The following COL25A1 variants were observed in gnomAD, a reference collection of about 807,000 sequenced individuals.
COL25A1 encodes the protein collagen alpha-1(XXV) chain.
In COL25A1, 103 loss-of-function variants were observed where a neutral mutation model predicts 128.4. That is an observed-to-expected ratio of 0.80 (90% CI 0.68 to 0.94). COL25A1 has a LOEUF of 0.94. COL25A1 is among the 40% of genes least tolerant of loss of function. The probability of loss-of-function intolerance (pLI) is 0.00; values close to 1 mark genes in which losing one functional copy is unlikely to be tolerated. For missense variants in COL25A1, 745 were observed against 840.0 expected (o/e 0.89, Z 1.40); for synonymous variants, 279 against 277.2 (o/e 1.01, Z -0.06).
intron 13 of COL25A1, among the ~76,000 whole-genome samples, chr4:108,903,738 T>C (rs1021376360): frequency 6.6e-6 from 1 of 152,096 alleles, no homozygotes; most frequent in Non-Finnish European, 1.5e-5. Flanking sequence ...TAGGCATTGC[T>C]TTTATAGGCA....
intron 5 of COL25A1, among the ~76,000 whole-genome samples, chr4:109,037,169 T>C (rs181870631): frequency 6.6e-6 from 1 of 152,330 alleles, no homozygotes; most frequent in Admixed American, 6.5e-5. Flanking sequence ...ATATAAAACA[T>C]AAAATAATTG....
intron 8 of COL25A1, among the ~76,000 whole-genome samples, chr4:108,972,188 T>A (rs1376592883): frequency 1.3e-5 from 2 of 152,032 alleles, no homozygotes; most frequent in East Asian, 3.9e-4. Context: ...TGGGAAGAAA[T>A]AAACTATTGG....
chr4:109,110,159 T>C (rs1306371104), intron 3 of COL25A1, among the ~76,000 whole-genome samples: 2 of 152,068 alleles, frequency 1.3e-5, no homozygotes, highest in African/African-American at 4.8e-5. Flanking sequence ...CAAGAGCAAA[T>C]ATGGTTTCTT....
At chr4:108,978,199 G>A (rs1010468658) in intron 6 of COL25A1, among the ~76,000 whole-genome samples, 3 of 152,190 alleles carry the variant, frequency 2.0e-5, no homozygotes, top group African/African-American at 4.8e-5. Flanking sequence ...ACAGTATGGC[G>A]TCCTGGCACC....
intron 3 of COL25A1, among the ~76,000 whole-genome samples, chr4:109,190,571 T>C (rs140578335): frequency 6.6e-6 from 1 of 152,258 alleles, no homozygotes; most frequent in East Asian, 1.9e-4. Flanking sequence ...GGTTGTAAAA[T>C]AAGACAGTAG....
At chr4:108,846,629 T>G (rs1735145557) in intron 27 of COL25A1, among the ~76,000 whole-genome samples, 1 of 152,158 alleles carries the variant, frequency 6.6e-6, no homozygotes, top group Admixed American at 6.5e-5. Context: ...TTCTCTCATC[T>G]CTACCCACTA....
chr4:109,161,836 C>T (rs1389450220), intron 3 of COL25A1, among the ~76,000 whole-genome samples: 3 of 152,146 alleles, frequency 2.0e-5, no homozygotes, highest in Non-Finnish European at 1.5e-5. Context: ...GGAGAAGTGC[C>T]TGAGATTCCC....
At chr4:109,255,372 C>A (rs1186050001) in intron 3 of COL25A1, among the ~76,000 whole-genome samples, 1 of 152,186 alleles carries the variant, frequency 6.6e-6, no homozygotes, top group Non-Finnish European at 1.5e-5. Context: ...CCAGACCCCA[C>A]TGAAGTTGAA....
intron 3 of COL25A1, among the ~76,000 whole-genome samples, chr4:109,085,509 G>A (rs1171248951): frequency 6.6e-6 from 1 of 152,118 alleles, no homozygotes; most frequent in African/African-American, 2.4e-5. Flanking sequence ...AAGTGAACTA[G>A]TTTCTAGTCT....
In COL25A1 at chr4:108,929,092, G is replaced by T. The variant is rs868094352; in HGVS notation, c.709-8488C>A. ...ATCCTACTTAATAAACAGCCATATGGTGTGACTAGAAATTGGTTGTTTCTT... is the reference window on the plus strand; with the variant it reads ...ATCCTACTTAATAAACAGCCATATGTTGTGACTAGAAATTGGTTGTTTCTT... On this transcript the variant is annotated intron_variant, in intron 11 of 37. Coordinates refer to ENST00000399132, the MANE Select transcript of COL25A1 (RefSeq NM_198721.4). 5.3e-5 allele frequency among the ~76,000 whole-genome samples: 8 copies of T among 152,010 alleles called. 1 individual carries two copies. The South Asian group carries it at 1.7e-3, about 32-fold the overall frequency.
intron 3 of COL25A1, among the ~76,000 whole-genome samples, chr4:109,094,774 T>G (rs1579347084): frequency 6.6e-6 from 1 of 152,236 alleles, no homozygotes; most frequent in African/African-American, 2.4e-5. Context: ...ATGATTAGTT[T>G]GCAAATGTTC....
At chr4:109,043,942 G>A (rs181935157) in intron 5 of COL25A1, among the ~76,000 whole-genome samples, 1 of 152,186 alleles carries the variant, frequency 6.6e-6, no homozygotes, top group East Asian at 1.9e-4. Context: ...CACATGCACA[G>A]AGTCCATTAG....
At position 109,055,252 on chromosome 4, in the gene COL25A1, C is replaced by T. The variant is rs540504775; in HGVS notation, c.368-5073G>A. Among the ~76,000 whole-genome samples, 6 of 152,304 alleles carry T rather than the reference C, an allele frequency of 3.9e-5. No individual in the cohort carries two copies. In the East Asian group the frequency reaches 1.2e-3, roughly 29 times the overall value. On this transcript the variant is annotated intron_variant, in intron 3 of 37. Coordinates refer to ENST00000399132, the MANE Select transcript of COL25A1 (RefSeq NM_198721.4). ...TCTCCATACTCATAAAATGTCTGTA[C>T]TACAACAGACCCATGAGGTCATAAG... is the stretch of plus-strand genomic sequence containing the variant.
chr4:109,116,904 TGAG>T (rs1299612603), intron 3 of COL25A1, among the ~76,000 whole-genome samples: 1 of 151,950 alleles, frequency 6.6e-6, no homozygotes, highest in East Asian at 1.9e-4. Context: ...AGGACATGGC[TGAG>T]GAGAAGAATC....
At chr4:108,866,422 G>C (rs1367376746) in intron 20 of COL25A1, among the ~76,000 whole-genome samples, 1 of 151,844 alleles carries the variant, frequency 6.6e-6, no homozygotes, top group African/African-American at 2.4e-5. Flanking sequence ...CAAACTCCTG[G>C]GCTCAAGCAA....
intron 3 of COL25A1, among the ~76,000 whole-genome samples, chr4:109,181,711 G>T (rs555573084): frequency 6.6e-6 from 1 of 152,062 alleles, no homozygotes; most frequent in South Asian, 2.1e-4. Flanking sequence ...GCTTTGATGA[G>T]AACACTTAAA....
At chr4:109,174,547 T>C (rs937684806) in intron 3 of COL25A1, among the ~76,000 whole-genome samples, 3 of 152,128 alleles carry the variant, frequency 2.0e-5, no homozygotes, top group African/African-American at 7.2e-5. Flanking sequence ...CTCATTGACA[T>C]TGCTCCTGGG....
chr4:109,062,928 A>G (rs1379433674), intron 3 of COL25A1, among the ~76,000 whole-genome samples: 1 of 152,260 alleles, frequency 6.6e-6, no homozygotes, highest in Non-Finnish European at 1.5e-5. Context: ...AAAAATGGAC[A>G]TAACTAAAAC....
chr4:109,150,634 G>T (rs1771407813), intron 3 of COL25A1, among the ~76,000 whole-genome samples: 1 of 152,198 alleles, frequency 6.6e-6, no homozygotes, highest in African/African-American at 2.4e-5. Flanking sequence ...GAATTAAAGT[G>T]GGAAAAACAA....
Sources: allele counts gnomAD v4.1 joint callset (sites outside exome capture counted in the v4.1 genomes callset), GRCh38; gene constraint gnomAD v4.1.1; transcripts MANE v1.5; gene names NCBI Gene and HGNC (gene_info 2026-07-23, HGNC 2026-07-21).